The following UBE2E2 variants were observed in gnomAD, a reference collection of about 807,000 sequenced individuals.
The protein encoded by UBE2E2 is ubiquitin-conjugating enzyme E2 E2.
In UBE2E2, 6 loss-of-function variants were observed where a neutral mutation model predicts 24.7. That is an observed-to-expected ratio of 0.24 (90% CI 0.13 to 0.48). UBE2E2 has a LOEUF of 0.48. Among genes scored for constraint, UBE2E2 ranks in the 20% least tolerant of loss-of-function variants. UBE2E2 has a pLI of 0.99. For missense variants in UBE2E2, 169 were observed against 245.0 expected (o/e 0.69, Z 2.07); for synonymous variants, 104 against 83.6 (o/e 1.24, Z -1.33).
chr3:23,436,214 G>C (rs1195712674), intron 3 of UBE2E2, among the ~76,000 whole-genome samples: 3 of 152,090 alleles, frequency 2.0e-5, no homozygotes, highest in Admixed American at 6.5e-5. Context: ...GATTTTACCA[G>C]GTGTCAAAGC....
chr3:23,369,981 CT>C (rs1696362238), intron 3 of UBE2E2, among the ~76,000 whole-genome samples: 1 of 152,050 alleles, frequency 6.6e-6, no homozygotes, highest in African/African-American at 2.4e-5. Context: ...CCTTTAGATA[CT>C]AATATCCCCA....
At chr3:23,486,474 G>A (rs1055813318) in intron 3 of UBE2E2, among the ~76,000 whole-genome samples, 2 of 152,204 alleles carry the variant, frequency 1.3e-5, no homozygotes, top group South Asian at 4.2e-4. Flanking sequence ...GGCAAATGGA[G>A]GAAAGCATGT....
intron 5 of UBE2E2, among the ~76,000 whole-genome samples, chr3:23,564,875 A>AT (rs1696029114): frequency 6.6e-6 from 1 of 152,152 alleles, no homozygotes; most frequent in Admixed American, 6.6e-5. Context: ...TGAGGGTCAC[A>AT]TTTTCATGAA....
At chr3:23,232,315 A>ATCATT (rs2125332538) in intron 3 of UBE2E2, among the ~76,000 whole-genome samples, 1 of 152,332 alleles carries the variant, frequency 6.6e-6, no homozygotes, top group East Asian at 1.9e-4. Flanking sequence ...CAAAATATCC[A>ATCATT]TCACTTTGCT....
At chr3:23,260,964 G>A (rs1323929178) in intron 3 of UBE2E2, among the ~76,000 whole-genome samples, 3 of 152,090 alleles carry the variant, frequency 2.0e-5, no homozygotes, top group African/African-American at 7.2e-5. Context: ...TTACCTGGGC[G>A]TGGTGGCATG....
At chr3:23,270,020 G>C (rs187734277) in intron 3 of UBE2E2, among the ~76,000 whole-genome samples, 29 of 152,188 alleles carry the variant, frequency 1.9e-4, no homozygotes, top group Middle Eastern at 3.4e-3. Context: ...CCCCAGAAAT[G>C]CCTTGTCCTG....
chr3:23,223,981 C>G (rs1247984363), intron 3 of UBE2E2, among the ~76,000 whole-genome samples: 1 of 152,042 alleles, frequency 6.6e-6, no homozygotes, highest in African/African-American at 2.4e-5. Context: ...TACCTGAGTT[C>G]TCTCATCTGT....
At chr3:23,517,189 A>G (rs1206183972) in intron 4 of UBE2E2, among the ~76,000 whole-genome samples, 1 of 152,114 alleles carries the variant, frequency 6.6e-6, no homozygotes, top group Non-Finnish European at 1.5e-5. Context: ...GACACAATGT[A>G]GTGATATGTG....
chr3:23,446,699 G>GTTTTTTTT (rs57327621), intron 3 of UBE2E2, among the ~76,000 whole-genome samples: 23 of 112,214 alleles, frequency 2.0e-4, no homozygotes, highest in African/African-American at 2.9e-4. Context: ...CGTCTGTTTG[G>GTTTTTTTT]TTTTTTTTTT....
At chr3:23,206,394 AAC>A (rs1478988640) in intron 1 of UBE2E2, among the ~76,000 whole-genome samples, 1 of 152,264 alleles carries the variant, frequency 6.6e-6, no homozygotes, top group Non-Finnish European at 1.5e-5. Flanking sequence ...CTAGATGTGA[AAC>A]ATACTGATAT....
chr3:23,362,878 A>G (rs561871138), intron 3 of UBE2E2, among the ~76,000 whole-genome samples: 3 of 152,158 alleles, frequency 2.0e-5, no homozygotes, highest in Non-Finnish European at 4.4e-5. Context: ...GTTGCTTGTA[A>G]AGTGTCTAGA....
chr3:23,578,060 A>G (rs1320809631), intron 5 of UBE2E2, among the ~76,000 whole-genome samples: 1 of 152,062 alleles, frequency 6.6e-6, no homozygotes, highest in African/African-American at 2.4e-5. Flanking sequence ...TCAAAGATCT[A>G]ATATCCAGAG....
chr3:23,419,965 G>T (rs1384368128), intron 3 of UBE2E2, among the ~76,000 whole-genome samples: 1 of 152,118 alleles, frequency 6.6e-6, no homozygotes, highest in Non-Finnish European at 1.5e-5. Flanking sequence ...TTGGGTGTGG[G>T]ACAAAATGCC....
chr3:23,213,441 A>G (rs1047891637), intron 2 of UBE2E2, among the ~76,000 whole-genome samples: 3 of 152,010 alleles, frequency 2.0e-5, no homozygotes, highest in African/African-American at 7.2e-5. Flanking sequence ...ACAGTCCCAC[A>G]CAGCATTCTT....
chr3:23,553,372 A>G (rs571332006), intron 5 of UBE2E2, among the ~76,000 whole-genome samples: 1 of 152,278 alleles, frequency 6.6e-6, no homozygotes, highest in East Asian at 1.9e-4. Flanking sequence ...GCGGCATCCC[A>G]CTGAAGATCA....
rs1003278790 is a variant in UBE2E2, at chr3:23,344,108, T to A, written c.227+126796T>A. Among the ~76,000 whole-genome samples, 3 of 152,302 alleles carry A rather than the reference T, an allele frequency of 2.0e-5. No individual in the cohort carries two copies. The East Asian group carries it at 5.8e-4, about 29-fold the overall frequency. On this transcript the variant is annotated intron_variant, in intron 3 of 5. Transcript: ENST00000396703. ...TATTCTGCAAATTAGCTACTTTGATTTGATTTTTTTTCAGTCCTGATTTAT... is the reference window on the plus strand; with the variant it reads ...TATTCTGCAAATTAGCTACTTTGATATGATTTTTTTTCAGTCCTGATTTAT...
intron 3 of UBE2E2, among the ~76,000 whole-genome samples, chr3:23,335,333 T>A (rs1341084482): frequency 6.6e-6 from 1 of 152,204 alleles, no homozygotes; most frequent in Non-Finnish European, 1.5e-5. Context: ...AGTTCATTTC[T>A]GCCCTTCCTT....
At chr3:23,516,391 T>G (rs1694742067) in intron 4 of UBE2E2, among the ~76,000 whole-genome samples, 1 of 152,166 alleles carries the variant, frequency 6.6e-6, no homozygotes, top group South Asian at 2.1e-4. Context: ...TTGAAAGAGA[T>G]AATGTTTTTA....
chr3:23,284,921 A>ATT lies in UBE2E2; in HGVS notation c.227+67617_227+67618dup, dbSNP rs71266420. On this transcript the variant is annotated intron_variant, in intron 3 of 5. Coordinates refer to ENST00000396703, the MANE Select transcript of UBE2E2 (RefSeq NM_152653.4). The stretch of plus-strand genomic sequence containing the variant: ...TTCTATCAAATACTAGATCTTATTC[A>ATT]TTTTTTTTTCATTTTTCTATAGCTT... Among the ~76,000 whole-genome samples the ATT allele has an allele frequency of 1.2e-4, 17 of 142,922 alleles. 1 individual carries two copies. Among genetic ancestry groups the ATT allele is most frequent in the Admixed American group, 5.7e-4 (8 of 14,158 alleles). 93.8% of individuals were successfully genotyped at this position (142,922 alleles called of 152,430 possible).
Sources: gnomAD v4.1 joint callset for allele counts (sites outside exome capture counted in the v4.1 genomes callset) on GRCh38, gnomAD v4.1.1 for gene constraint, MANE v1.5 for transcripts, NCBI Gene and HGNC (gene_info 2026-07-23, HGNC 2026-07-21) for gene names.